PIP5K1C: variants seen among roughly 807,000 people sequenced by gnomAD.
PIP5K1C encodes the protein phosphatidylinositol-4-phosphate 5-kinase type 1 gamma.
PIP5K1C carries 45 observed loss-of-function variants against 80.1 expected under a neutral mutation model. The ratio of observed to expected loss-of-function variants is 0.56; its 90% CI spans 0.44 to 0.72. PIP5K1C has a LOEUF of 0.72. Ranked by LOEUF, PIP5K1C falls within the 30% of genes least tolerant of loss-of-function variation. The probability of loss-of-function intolerance (pLI) is 0.00; values close to 1 mark genes in which losing one functional copy is unlikely to be tolerated. For missense variants in PIP5K1C, 753 were observed against 954.6 expected, an observed-to-expected ratio of 0.79 and a Z score of 2.78; for synonymous variants, 498 against 420.1, an observed-to-expected ratio of 1.19 and a Z score of -2.27.
chr19:3,666,279 G>A (rs998594148), intron 2 of PIP5K1C, among the ~76,000 whole-genome samples: 3 of 152,224 alleles, frequency 2.0e-5, no homozygotes, highest in Admixed American at 6.5e-5. Context: ...GCGGGAAGAC[G>A]GGAGATGCAG....
In PIP5K1C at chr19:3,637,548, G is replaced by T; in HGVS notation, c.1920+1336C>A. On this transcript the variant is annotated intron_variant, in intron 16 of 17. Transcript: ENST00000335312. The surrounding 1 kb of genome is among the most constrained non-coding windows in gnomAD (Gnocchi z 7.0). ...TGCGGTCACTTACAGTCCCCGAGGC[G>T]CTCAGCGTCACGGCCCGCAGTCGGC... 6.5e-7 allele frequency: 1 copy of T among 1,534,110 alleles called. No individual in the cohort carries two copies. Among genetic ancestry groups the T allele is most frequent in the South Asian group, 1.2e-5 (1 of 83,984 alleles).
intron 1 of PIP5K1C, among the ~76,000 whole-genome samples, chr19:3,699,039 TG>T (rs1189857081): frequency 1.3e-5 from 2 of 150,618 alleles, no homozygotes; most frequent in Non-Finnish European, 3.0e-5. Context: ...CCTGATAAGA[TG>T]AATGGTCGCG....
At chr19:3,638,196 T>A (rs1346297798) in intron 16 of PIP5K1C, among the ~76,000 whole-genome samples, 1 of 152,056 alleles carries the variant, frequency 6.6e-6, no homozygotes, top group Non-Finnish European at 1.5e-5. Context: ...GTGGGACCAC[T>A]GGGGAGTGGA....
intron 16 of PIP5K1C, 49 bp from the exon 17 acceptor site, chr19:3,633,569 G>A: frequency 7.7e-7 from 1 of 1,301,250 alleles, no homozygotes. Context: ...CAGGGTGCGA[G>A]GAGGTGCAAG....
chr19:3,698,251 G>A (rs944514205), intron 1 of PIP5K1C, among the ~76,000 whole-genome samples: 1 of 152,218 alleles, frequency 6.6e-6, no homozygotes, highest in African/African-American at 2.4e-5. Context: ...AAGCACGAGC[G>A]CCAACTCATC....
chr19:3,634,556 C>T (rs1402397893), intron 16 of PIP5K1C, among the ~76,000 whole-genome samples: 1 of 152,216 alleles, frequency 6.6e-6, no homozygotes, highest in South Asian at 2.1e-4. Context: ...GCCACAGTCA[C>T]AACCCAGTCC....
At chr19:3,698,231 G>A (rs930862760) in intron 1 of PIP5K1C, among the ~76,000 whole-genome samples, 3 of 152,232 alleles carry the variant, frequency 2.0e-5, no homozygotes, top group Non-Finnish European at 4.4e-5. Context: ...CAACCGGCAC[G>A]ACAATCACCA....
At chr19:3,681,483 C>T (rs909784584) in intron 1 of PIP5K1C, among the ~76,000 whole-genome samples, 3 of 152,040 alleles carry the variant, frequency 2.0e-5, no homozygotes, top group Non-Finnish European at 4.4e-5. Context: ...CCACCCACCT[C>T]GGCCTCCCAA....
intron 1 of PIP5K1C, among the ~76,000 whole-genome samples, chr19:3,697,154 C>T (rs1186780964): frequency 6.7e-6 from 1 of 149,008 alleles, no homozygotes; most frequent in Non-Finnish European, 1.5e-5. Flanking sequence ...CGAAGGAGAA[C>T]CGAGCCGGAC....
intron 3 of PIP5K1C, among the ~76,000 whole-genome samples, chr19:3,664,290 G>A (rs1440004177): frequency 6.6e-6 from 1 of 152,192 alleles, no homozygotes; most frequent in African/African-American, 2.4e-5. Flanking sequence ...TAGAGGTGAC[G>A]GCTGCACAAC....
intron 11 of PIP5K1C, among the ~76,000 whole-genome samples, chr19:3,645,338 G>A (rs1461893009): frequency 6.6e-6 from 1 of 152,248 alleles, no homozygotes; most frequent in African/African-American, 2.4e-5. Flanking sequence ...GAATCCATCT[G>A]GCAGCAGGTT....
rs1220085390 is a variant in PIP5K1C at position 3,679,902 on chromosome 19, C to T, written c.95-12549G>A. ...TAGAACGTGCCCGGCATGTTGCAGA[C>T]GCTCAAGAAACTTTCTGCAGCAAAC... On this transcript the variant is annotated intron_variant, in intron 1 of 17. Transcript: ENST00000335312. Among the ~76,000 whole-genome samples the T allele has an allele frequency of 5.3e-5, 8 of 152,202 alleles. 1 individual carries two copies. Among genetic ancestry groups the T allele is most frequent in the Non-Finnish European group, 8.8e-5 (6 of 68,028 alleles).
chr19:3,631,621 G>T lies in PIP5K1C; in HGVS notation c.*1546C>A, dbSNP rs1218176153. Reference sequence around the variant, plus strand: ...CCCCTCTCCTGGGCAGAGTGGAGGGGCTGCTCTCGTGGAGTGTGTGTCCTC... The same window carrying T: ...CCCCTCTCCTGGGCAGAGTGGAGGGTCTGCTCTCGTGGAGTGTGTGTCCTC... On this transcript the variant is annotated 3_prime_UTR_variant, in exon 18 of 18. Transcript: ENST00000335312. 6.6e-6 allele frequency: 1 copy of T among 152,244 alleles called. No individual in the cohort carries two copies. The highest frequency in any genetic ancestry group is 6.5e-5 in the Admixed American group (1 of 15,294). 9.4% of individuals were successfully genotyped at this position (152,244 alleles called of 1,614,324 possible). A position where few individuals can be genotyped will look rare whatever the true frequency, so the allele number is the denominator to read the frequency against.
chr19:3,652,968 G>A (rs2034504577), intron 7 of PIP5K1C, among the ~76,000 whole-genome samples: 1 of 152,210 alleles, frequency 6.6e-6, no homozygotes, highest in Non-Finnish European at 1.5e-5. Flanking sequence ...CTGGGGACAT[G>A]TTATAAGTGT....
chr19:3,643,228 G>A lies in PIP5K1C; in HGVS notation c.1649+15C>T, dbSNP rs185851048. 7.3e-5 allele frequency: 118 copies of A among 1,612,784 alleles called. No individual in the cohort carries two copies. In the East Asian group the frequency reaches 2.3e-3, roughly 31 times the overall value. ...CGGATGCCCCGCCCACATGCACTGC[G>A]GATGCCTCGCCCACCTGTACCGCGG... is the stretch of plus-strand genomic sequence containing the variant. On this transcript the variant is annotated intron_variant, in intron 13 of 17. Coordinates refer to ENST00000335312, the MANE Select transcript of PIP5K1C (RefSeq NM_012398.3).
Position 3,644,102 on chromosome 19 carries a change from TGGGGTAGCTGCGGGCCCCCCGCAG to T in PIP5K1C, c.1471_1494del (p.Leu491_Pro498del). On this transcript the variant is annotated inframe_deletion, in exon 12 of 18. Coordinates refer to ENST00000335312, the MANE Select transcript of PIP5K1C (RefSeq NM_012398.3). Reference sequence around the variant, plus strand: ...TGCCCCTCACCTTCGTCCTCCAGCGTGGGGTAGCTGCGGGCCCCCCGCAGGTCGTACTGGGCCTCCTCCCGCTCG... The same window carrying T: ...TGCCCCTCACCTTCGTCCTCCAGCGTGTCGTACTGGGCCTCCTCCCGCTCG... 6.2e-7 allele frequency: 1 copy of T among 1,611,152 alleles called. No homozygotes were observed. Among genetic ancestry groups the T allele is most frequent in the South Asian group, 1.1e-5 (1 of 91,046 alleles).
intron 8 of PIP5K1C, among the ~76,000 whole-genome samples, chr19:3,651,060 T>TG (rs2034426601): frequency 6.7e-6 from 1 of 149,860 alleles, no homozygotes; most frequent in African/African-American, 2.5e-5. Context: ...CCAGCGTTTT[T>TG]TTTTTTTTTT....
intron 1 of PIP5K1C, among the ~76,000 whole-genome samples, chr19:3,689,242 C>T (rs577759711): frequency 6.6e-6 from 1 of 152,170 alleles, no homozygotes; most frequent in African/African-American, 2.4e-5. Flanking sequence ...GGTCACGTAT[C>T]GACTGGCTGA....
In PIP5K1C at chr19:3,637,436, C is replaced by T. The variant is rs1237286492; in HGVS notation, c.1920+1448G>A. 6 of 1,535,562 alleles carry T rather than the reference C, an allele frequency of 3.9e-6. No homozygotes were observed. In the African/African-American group the frequency reaches 4.1e-5, roughly 11 times the overall value. ...TACCCAAAGCCCTTCTGGAAAACAA[C>T]TGACGTCAGACACTGAGCTTCCGGC... is the stretch of plus-strand genomic sequence containing the variant. On this transcript the variant is annotated intron_variant, in intron 16 of 17. Transcript: ENST00000335312. This position sits in a 1 kb window ranked among gnomAD's most constrained non-coding sequence, Gnocchi z 7.0.
Sources: allele counts gnomAD v4.1 joint callset (sites outside exome capture counted in the v4.1 genomes callset), GRCh38; gene constraint gnomAD v4.1.1; non-coding constraint Gnocchi (gnomAD v3.1); transcripts MANE v1.5; gene names NCBI Gene and HGNC (gene_info 2026-07-23, HGNC 2026-07-21).